ATXN10: variants seen among roughly 807,000 people sequenced by gnomAD.
The protein encoded by ATXN10 is ataxin-10.
A neutral mutation model predicts 52.9 loss-of-function variants in ATXN10; 28 were observed. The observed-to-expected ratio is 0.53, with a 90% CI of 0.39 to 0.73. The LOEUF (loss-of-function observed/expected upper bound fraction) is 0.73. Among genes scored for constraint, ATXN10 ranks in the 30% least tolerant of loss-of-function variants. The probability of loss-of-function intolerance (pLI) is 0.00; values close to 1 mark genes in which losing one functional copy is unlikely to be tolerated. For synonymous variants in ATXN10, 226 were observed against 221.5 expected, an observed-to-expected ratio of 1.02 and a Z score of -0.18; for missense variants, 565 against 577.0, an observed-to-expected ratio of 0.98 and a Z score of 0.21.
At chr22:45,734,123 T>C (rs550411236) in intron 7 of ATXN10, among the ~76,000 whole-genome samples, 1 of 152,306 alleles carries the variant, frequency 6.6e-6, no homozygotes, top group Non-Finnish European at 1.5e-5. Flanking sequence ...TGAACATCCT[T>C]GTACAAATTT....
intron 9 of ATXN10, among the ~76,000 whole-genome samples, chr22:45,796,532 C>T (rs764473044): frequency 1.3e-5 from 2 of 152,196 alleles, no homozygotes; most frequent in Admixed American, 6.5e-5. Flanking sequence ...AGGGGCATCA[C>T]GGAACCTGCC....
At chr22:45,830,488 A>G (rs1928953260) in intron 10 of ATXN10, among the ~76,000 whole-genome samples, 1 of 152,242 alleles carries the variant, frequency 6.6e-6, no homozygotes. Context: ...TCTAGAATAT[A>G]TAGAGAATTC....
At chr22:45,821,723 T>G (rs137932541) in intron 10 of ATXN10, among the ~76,000 whole-genome samples, 2 of 152,350 alleles carry the variant, frequency 1.3e-5, no homozygotes, top group Non-Finnish European at 2.9e-5. Flanking sequence ...CTTGGTGCTG[T>G]CTACCTGATG....
chr22:45,764,835 G>C (rs976107103), intron 9 of ATXN10, among the ~76,000 whole-genome samples: 16 of 152,224 alleles, frequency 1.1e-4, no homozygotes, highest in African/African-American at 3.6e-4. Flanking sequence ...CAGACAGCTA[G>C]GATGTCAGTG....
At chr22:45,834,200 C>T (rs1929087706) in intron 10 of ATXN10, among the ~76,000 whole-genome samples, 1 of 152,188 alleles carries the variant, frequency 6.6e-6, no homozygotes, top group Non-Finnish European at 1.5e-5. Context: ...TTGTACAAAG[C>T]TTTGCTTGCA....
chr22:45,753,627 G>C (rs138190), intron 9 of ATXN10, among the ~76,000 whole-genome samples: 1 of 151,612 alleles, frequency 6.6e-6, no homozygotes, highest in African/African-American at 2.4e-5. Context: ...GGCTGGTCTC[G>C]AACTCCTGAC....
chr22:45,815,750 G>A (rs1177176878), intron 10 of ATXN10, among the ~76,000 whole-genome samples: 1 of 152,152 alleles, frequency 6.6e-6, no homozygotes, highest in Non-Finnish European at 1.5e-5. Context: ...GGACCAGGGT[G>A]TAAACCCAGC....
intron 3 of ATXN10, among the ~76,000 whole-genome samples, chr22:45,699,205 G>T (rs905480286): frequency 6.6e-6 from 1 of 152,130 alleles, no homozygotes. Context: ...AACATTTGCA[G>T]TATTTACATA....
Position 45,696,321 on chromosome 22 carries a change from A to T in ATXN10, c.391+3243A>T, listed in dbSNP as rs1276755178. On this transcript the variant is annotated intron_variant, in intron 3 of 11. Transcript: ENST00000252934. The surrounding 1 kb of genome is among the most constrained non-coding windows in gnomAD (Gnocchi z 4.7). ...TGTGTGGTATAGTAATTGAGAAAGAAAGTTGAGAATGTACTGTGTTTTATA... is the reference window on the plus strand; with the variant it reads ...TGTGTGGTATAGTAATTGAGAAAGATAGTTGAGAATGTACTGTGTTTTATA... Among the ~76,000 whole-genome samples the T allele has an allele frequency of 1.3e-5, 2 of 152,196 alleles. No homozygotes were observed. Among genetic ancestry groups the T allele is most frequent in the Non-Finnish European group, 2.9e-5 (2 of 68,030 alleles).
intron 9 of ATXN10, among the ~76,000 whole-genome samples, chr22:45,742,290 G>A (rs1269350237): frequency 1.3e-5 from 2 of 152,084 alleles, no homozygotes; most frequent in African/African-American, 2.4e-5. Flanking sequence ...ATTGCTTGAC[G>A]TTCAGGAAAA....
At chr22:45,771,764 T>C (rs1926787699) in intron 9 of ATXN10, among the ~76,000 whole-genome samples, 1 of 152,024 alleles carries the variant, frequency 6.6e-6, no homozygotes, top group South Asian at 2.1e-4. Flanking sequence ...TATTTTGAAA[T>C]TGGGTTGTTT....
intron 5 of ATXN10, among the ~76,000 whole-genome samples, chr22:45,709,709 A>T (rs1244308275): frequency 6.6e-6 from 1 of 152,070 alleles, no homozygotes; most frequent in Non-Finnish European, 1.5e-5. Flanking sequence ...TCTGGCCTTG[A>T]TCTCTTGCTG....
At position 45,687,336 on chromosome 22, in the gene ATXN10, C is replaced by T. The variant is rs186559458; in HGVS notation, c.117-2376C>T. Among the ~76,000 whole-genome samples the T allele has an allele frequency of 2.6e-5, 4 of 152,208 alleles. No individual in the cohort carries two copies. The South Asian group carries it at 8.3e-4, about 32-fold the overall frequency. ...CCATAGTTTGATTCCAAAGCTTTTGCTGTGCTAGATACCAATTTTGAGTAA... is the reference window on the plus strand; with the variant it reads ...CCATAGTTTGATTCCAAAGCTTTTGTTGTGCTAGATACCAATTTTGAGTAA... On this transcript the variant is annotated intron_variant, in intron 1 of 11. Transcript: ENST00000252934.
Position 45,681,837 on chromosome 22 carries a change from A to G in ATXN10, c.117-7875A>G, listed in dbSNP as rs184319185. Reference sequence around the variant, plus strand: ...TCCACCCTCTTCAAACCTCCATCCCATCTCCCTCATCCTCACTCTCAGCTC... The same window carrying G: ...TCCACCCTCTTCAAACCTCCATCCCGTCTCCCTCATCCTCACTCTCAGCTC... On this transcript the variant is annotated intron_variant, in intron 1 of 11. Transcript: ENST00000252934. This position sits in a 1 kb window ranked among gnomAD's most constrained non-coding sequence, Gnocchi z 4.2. 1.8e-4 allele frequency among the ~76,000 whole-genome samples: 28 copies of G among 151,998 alleles called. 1 individual carries two copies. The highest frequency in any genetic ancestry group is 1.2e-3 in the South Asian group (6 of 4,812).
chr22:45,723,238 G>C (rs1479888271), intron 6 of ATXN10, among the ~76,000 whole-genome samples: 1 of 151,822 alleles, frequency 6.6e-6, no homozygotes, highest in Non-Finnish European at 1.5e-5. Flanking sequence ...ATTTTATATA[G>C]ACATAAAATT....
intron 3 of ATXN10, among the ~76,000 whole-genome samples, chr22:45,699,254 A>G (rs758024641): frequency 2.6e-5 from 4 of 152,042 alleles, no homozygotes; most frequent in Non-Finnish European, 5.9e-5. Flanking sequence ...GTAAACTGTC[A>G]TTTGTACCTG....
chr22:45,766,532 G>A lies in ATXN10; in HGVS notation c.1173+25994G>A, dbSNP rs1926587273. On this transcript the variant is annotated intron_variant, in intron 9 of 11. Coordinates refer to ENST00000252934, the MANE Select transcript of ATXN10 (RefSeq NM_013236.4). The surrounding 1 kb of genome is among the most constrained non-coding windows in gnomAD (Gnocchi z 4.6). ...AACTGGATACATCCCTTATAACATA[G>A]ACATCAGTTTGAATAAACTGTAAAT... Among the ~76,000 whole-genome samples, 1 of 152,124 alleles carries A rather than the reference G, an allele frequency of 6.6e-6. No individual in the cohort carries two copies.
rs1569039573 is a variant in ATXN10, at chr22:45,729,409, C to T, written c.729-16C>T. The T allele has an allele frequency of 6.2e-7, 1 of 1,613,402 alleles. No individual in the cohort carries two copies. Among genetic ancestry groups the T allele is most frequent in the Non-Finnish European group, 8.5e-7 (1 of 1,179,442 alleles). On this transcript the variant is annotated splice_polypyrimidine_tract_variant and intron_variant, in intron 6 of 11. Transcript: ENST00000252934. ...AAGTATTATAGATTCATGCAGAAAT[C>T]CTTTATGTTTTACAGAGTTACACTG... is the stretch of plus-strand genomic sequence containing the variant.
intron 1 of ATXN10, among the ~76,000 whole-genome samples, chr22:45,682,336 A>G (rs1038841859): frequency 3.3e-5 from 5 of 150,236 alleles, no homozygotes; most frequent in Non-Finnish European, 5.9e-5. Context: ...TTTTTTTTTG[A>G]GACAGGGTCT....
Sources: allele counts gnomAD v4.1 joint callset (sites outside exome capture counted in the v4.1 genomes callset), GRCh38; gene constraint gnomAD v4.1.1; non-coding constraint Gnocchi (gnomAD v3.1); transcripts MANE v1.5; gene names NCBI Gene and HGNC (gene_info 2026-07-23, HGNC 2026-07-21).